Variants in ANGPTL6 observed in about 807,000 individuals in gnomAD.
ANGPTL6 encodes angiopoietin like 6.
Under a neutral mutation model 47.4 loss-of-function variants are expected in ANGPTL6, and 45 were observed. The observed-to-expected ratio is 0.95, with a 90% CI of 0.75 to 1.22. The LOEUF (loss-of-function observed/expected upper bound fraction) is 1.22. Ranked by LOEUF, ANGPTL6 falls within the 50% of genes most tolerant of loss-of-function variation. ANGPTL6 has a pLI of 0.00. For synonymous variants in ANGPTL6, 290 were observed against 295.9 expected, an observed-to-expected ratio of 0.98 and a Z score of 0.20; for missense variants, 698 against 669.4, an observed-to-expected ratio of 1.04 and a Z score of -0.47.
rs1271967962 is a variant in ANGPTL6, at chr19:10,096,071, G to C, written c.493C>G (p.Arg165Gly). 2.7e-6 allele frequency: 4 copies of C among 1,485,528 alleles called. No homozygotes were observed. The highest frequency in any genetic ancestry group is 3.6e-6 in the Non-Finnish European group (4 of 1,118,770). 92.0% of individuals were successfully genotyped at this position (1,485,528 alleles called of 1,614,324 possible). ...TGGGTGACGAGCTGCGCCAGCTCGC[G>C]GAACTTGACGTCCAGCTGGTGGAAC... ...ARFHQLDVKF[R>G]ELAQLVTQQS... Residue 165 changes from arginine to glycine, a missense_variant, in exon 2 of 6, where the codon CGC (arginine) becomes GGC (glycine). Physicochemically the swap from Arg to Gly is moderately radical, Grantham distance 125. Transcript: ENST00000253109.
chr19:10,094,422 A>T, intron 3 of ANGPTL6: 1 of 321,322 alleles, frequency 3.1e-6, no homozygotes, highest in East Asian at 9.9e-5. Context: ...CTGGGATTAC[A>T]GGCATGAGCC....
At chr19:10,097,737 C>CGTGT (rs1259379978) in intron 1 of ANGPTL6, among the ~76,000 whole-genome samples, 3 of 152,064 alleles carry the variant, frequency 2.0e-5, no homozygotes, top group Admixed American at 6.6e-5. Flanking sequence ...CTTGTAGTCC[C>CGTGT]AGCTACTTGG....
At chr19:10,094,601 TCTC>T in intron 3 of ANGPTL6, 154 bp downstream of exon 3, 1 of 900,828 alleles carries the variant, frequency 1.1e-6, no homozygotes, top group Non-Finnish European at 1.7e-6. Context: ...ATTTCTTGTT[TCTC>T]CTATTTTCAC....
upstream of ANGPTL6, among the ~76,000 whole-genome samples, chr19:10,104,039 G>GCCAAGATTGCA (rs1555757356): frequency 7.6e-6 from 1 of 131,326 alleles, no homozygotes; most frequent in Non-Finnish European, 1.5e-5. Context: ...GTTGCAGTGA[G>GCCAAGATTGCA]CCACTGCACT....
At position 10,096,023 on chromosome 19, in the gene ANGPTL6, G is replaced by A. The variant is rs762872456; in HGVS notation, c.541C>T (p.Leu181=). 2.2e-6 allele frequency: 3 copies of A among 1,375,074 alleles called. No individual in the cohort carries two copies. The highest frequency in any genetic ancestry group is 3.4e-5 in the South Asian group (2 of 58,662). The allele number at this position is 1,375,074 out of a possible 1,614,324, so 85.2% of individuals were successfully genotyped here. The part of the protein sequence containing the change: ...VTQQSSLIAR[L]ERLCPGGAGG... ...GCGCCTCCCGGGCACAGGCGCTCCA[G>A]GCGGGCGATGAGACTGCTCTGCTGG... Residue 181 remains leucine, a synonymous_variant, in exon 2 of 6, where the codon CTG becomes TTG. Coordinates refer to ENST00000253109, the MANE Select transcript of ANGPTL6 (RefSeq NM_031917.3).
At position 10,096,282 on chromosome 19, in the gene ANGPTL6, G is replaced by A. The variant is rs2088533152; in HGVS notation, c.282C>T (p.Arg94=). ...AADGAVAGEV[R]ALRKESRGLS... is the part of the protein sequence containing the mutation. ...GGCCGCGGCTCTCCTTGCGCAGCGCGCGCACCTCGCCGGCCACGGCGCCGT... is the reference window on the plus strand; with the variant it reads ...GGCCGCGGCTCTCCTTGCGCAGCGCACGCACCTCGCCGGCCACGGCGCCGT... The change falls in exon 2 of 6, where the codon CGC becomes CGT. Residue 94 remains arginine, a synonymous_variant. Transcript: ENST00000253109. The A allele has an allele frequency of 8.2e-7, 1 of 1,214,002 alleles. No individual in the cohort carries two copies. Among genetic ancestry groups the A allele is most frequent in the African/African-American group, 1.6e-5 (1 of 62,916 alleles). 75.2% of individuals were successfully genotyped at this position (1,214,002 alleles called of 1,614,324 possible). A position where few individuals can be genotyped will look rare whatever the true frequency, so the allele number is the denominator to read the frequency against.
chr19:10,105,975 C>T (rs113887239), upstream of ANGPTL6, among the ~76,000 whole-genome samples: 38 of 152,350 alleles, frequency 2.5e-4, 1 homozygote, highest in African/African-American at 5.5e-4. Context: ...TCATTCCCTC[C>T]GGTGGCTTCT....
In ANGPTL6 at chr19:10,097,873, A is replaced by T. The variant is rs143355725; in HGVS notation, c.-10-1300T>A. ...ATCTCAAAAAAATAAAATAAAATAAAATAATAAATATAAAAATAACAGTAG... is the reference window on the plus strand; with the variant it reads ...ATCTCAAAAAAATAAAATAAAATAATATAATAAATATAAAAATAACAGTAG... On this transcript the variant is annotated intron_variant, in intron 1 of 5. Coordinates refer to ENST00000253109, the MANE Select transcript of ANGPTL6 (RefSeq NM_031917.3). 4.5e-4 allele frequency among the ~76,000 whole-genome samples: 69 copies of T among 151,920 alleles called. 1 individual carries two copies. In the East Asian group the frequency reaches 0.013, roughly 29 times the overall value.
chr19:10,092,793 G>A lies in ANGPTL6; in HGVS notation c.1223-14C>T, dbSNP rs778479876. On this transcript the variant is annotated splice_polypyrimidine_tract_variant and intron_variant, in intron 5 of 5. Transcript: ENST00000253109. ...GGGCACAGTTACCTGAGGGGAGAGA[G>A]AGAGTCCATGTCCTCTCACCAGAAT... 7 of 1,582,094 alleles carry A rather than the reference G, an allele frequency of 4.4e-6. No individual in the cohort carries two copies. The highest frequency in any genetic ancestry group is 6.0e-6 in the Non-Finnish European group (7 of 1,158,156).
At chr19:10,099,859 C>A (rs954522695) in intron 1 of ANGPTL6, among the ~76,000 whole-genome samples, 5 of 142,522 alleles carry the variant, frequency 3.5e-5, no homozygotes, top group African/African-American at 1.4e-4. Context: ...CTCTTTCTCT[C>A]TCTCTCTCTC....
chr19:10,094,283 A>G (rs58496711), intron 3 of ANGPTL6, among the ~76,000 whole-genome samples: 6 of 152,034 alleles, frequency 3.9e-5, no homozygotes, highest in African/African-American at 1.2e-4. Flanking sequence ...AGCAGCTGGG[A>G]CTACAGGCGC....
At position 10,096,407 on chromosome 19, in the gene ANGPTL6, T is replaced by C. The variant is rs746538090; in HGVS notation, c.157A>G (p.Thr53Ala). ...CWSGPASTRATPEAANASELA... is the reference protein window; with the variant it reads ...CWSGPASTRAAPEAANASELA... ...TCGCTGGCGTTGGCGGCCTCGGGCG[T>C]CGCCCGCGTGGATGCGGGGCCGCTC... The change falls in exon 2 of 6, where the codon ACG becomes GCG. Residue 53 changes from threonine (T) to alanine (A), a missense_variant. Coordinates refer to ENST00000253109, the MANE Select transcript of ANGPTL6 (RefSeq NM_031917.3). 187 of 1,318,764 alleles carry C rather than the reference T, an allele frequency of 1.4e-4. No homozygotes were observed. Among genetic ancestry groups the C allele is most frequent in the Middle Eastern group, 1.1e-3 (4 of 3,672 alleles). 81.7% of individuals were successfully genotyped at this position (1,318,764 alleles called of 1,614,324 possible). A position where few individuals can be genotyped will look rare whatever the true frequency, so the allele number is the denominator to read the frequency against.
upstream of ANGPTL6, among the ~76,000 whole-genome samples, chr19:10,103,451 A>C (rs989406858): frequency 6.6e-6 from 1 of 151,480 alleles, no homozygotes; most frequent in Non-Finnish European, 1.5e-5. Flanking sequence ...TTAGCTGGGC[A>C]TGGTGGCATG....
intron 2 of ANGPTL6, 35 bp downstream of exon 2, chr19:10,095,947 G>C: frequency 8.2e-7 from 1 of 1,221,106 alleles, no homozygotes; most frequent in Non-Finnish European, 1.0e-6. Flanking sequence ...CCATTTCACA[G>C]ACGATGCTGC....
Position 10,096,404 on chromosome 19 carries a change from G to A in ANGPTL6, c.160C>T (p.Pro54Ser). ...AGCTCGCTGGCGTTGGCGGCCTCGG[G>A]CGTCGCCCGCGTGGATGCGGGGCCG... Reference protein sequence around the residue: ...WSGPASTRATPEAANASELAA... With the variant: ...WSGPASTRATSEAANASELAA... The change falls in exon 2 of 6, where the codon CCC (proline) becomes TCC (serine). Residue 54 changes from proline (P) to serine (S), a missense_variant. Pro to Ser is a moderately conservative substitution (Grantham distance 74). Transcript: ENST00000253109. 5 of 1,316,890 alleles carry A rather than the reference G, an allele frequency of 3.8e-6. No individual in the cohort carries two copies. In the East Asian group the frequency reaches 1.6e-4, roughly 41 times the overall value. 81.6% of individuals were successfully genotyped at this position (1,316,890 alleles called of 1,614,324 possible).
At chr19:10,093,113 CCTTTA>C (rs1198365802) in intron 5 of ANGPTL6, 1 of 567,308 alleles carries the variant, frequency 1.8e-6, no homozygotes, top group African/African-American at 1.9e-5. Flanking sequence ...CACCCTCTGC[CCTTTA>C]CTTGAACAGG....
chr19:10,103,632 AAATAAT>A (rs1350203038), upstream of ANGPTL6, among the ~76,000 whole-genome samples: 1 of 148,788 alleles, frequency 6.7e-6, no homozygotes, highest in African/African-American at 2.5e-5. Flanking sequence ...AATAATAAAT[AAATAAT>A]AATAAAGTGA....
chr19:10,106,173 C>T (rs1348851831), upstream of ANGPTL6: 12 of 755,434 alleles, frequency 1.6e-5, no homozygotes, highest in Non-Finnish European at 2.0e-6. Context: ...CGTTTCTCTG[C>T]AGCCCGGAGC....
At chr19:10,102,900 A>T, upstream of ANGPTL6, 1 of 532,976 alleles carries the variant, frequency 1.9e-6, no homozygotes, top group Non-Finnish European at 2.4e-6. Flanking sequence ...CCTCCACTGC[A>T]GAGCCCAGAG....
Sources: allele counts gnomAD v4.1 joint callset (sites outside exome capture counted in the v4.1 genomes callset), GRCh38; gene constraint gnomAD v4.1.1; transcripts MANE v1.5; gene names NCBI Gene and HGNC (gene_info 2026-07-23, HGNC 2026-07-21).